WWOX: variants seen among roughly 807,000 people sequenced by gnomAD.
WWOX encodes WW domain-containing oxidoreductase.
A neutral mutation model predicts 46.2 loss-of-function variants in WWOX; 69 were observed. The ratio of observed to expected loss-of-function variants is 1.49; its 90% CI spans 1.23 to 1.82. The LOEUF is 1.82. WWOX is among the 40% of genes most tolerant of loss of function. The pLI is 0.00. For synonymous variants in WWOX, 359 were observed against 202.6 expected, an observed-to-expected ratio of 1.77 and a Z score of -6.56; for missense variants, 919 against 542.6, an observed-to-expected ratio of 1.69 and a Z score of -6.89.
intron 8 of WWOX, among the ~76,000 whole-genome samples, chr16:78,944,633 G>A (rs2045915057): frequency 6.6e-6 from 1 of 152,158 alleles, no homozygotes; most frequent in Non-Finnish European, 1.5e-5. Flanking sequence ...TGGAATGAAT[G>A]GCGGGTCACC....
At chr16:78,248,935 C>G (rs1246414966) in intron 5 of WWOX, among the ~76,000 whole-genome samples, 1 of 142,772 alleles carries the variant, frequency 7.0e-6, no homozygotes, top group Non-Finnish European at 1.5e-5. Flanking sequence ...TGGCTCACTG[C>G]AAGCTTCACC....
chr16:79,099,453 C>G (rs926199923), intron 8 of WWOX, among the ~76,000 whole-genome samples: 1 of 152,192 alleles, frequency 6.6e-6, no homozygotes, highest in African/African-American at 2.4e-5. Flanking sequence ...ACTCTGTTAA[C>G]AGAGGAGGTC....
intron 8 of WWOX, among the ~76,000 whole-genome samples, chr16:79,033,903 A>C (rs1308129766): frequency 2.6e-5 from 4 of 152,244 alleles, no homozygotes; most frequent in Non-Finnish European, 5.9e-5. Context: ...ACCATCAAAC[A>C]GGCATAGCTG....
intron 8 of WWOX, among the ~76,000 whole-genome samples, chr16:79,042,036 CCACAAAT>C (rs1340701290): frequency 6.6e-6 from 1 of 152,214 alleles, no homozygotes; most frequent in African/African-American, 2.4e-5. Flanking sequence ...TCTTTATGTT[CCACAAAT>C]TTTGGAGGGA....
chr16:78,713,972 G>T (rs1038763937), intron 8 of WWOX, among the ~76,000 whole-genome samples: 2 of 152,096 alleles, frequency 1.3e-5, no homozygotes, highest in East Asian at 3.9e-4. Context: ...AATTGGCTAC[G>T]AGGGCTTGTG....
At chr16:78,426,265 C>T (rs1256019582) in intron 7 of WWOX, among the ~76,000 whole-genome samples, 1 of 152,170 alleles carries the variant, frequency 6.6e-6, no homozygotes, top group Non-Finnish European at 1.5e-5. Context: ...ACTGTGGGGG[C>T]AGGCAGCAGA....
chr16:78,958,447 G>A (rs1342110974), intron 8 of WWOX, among the ~76,000 whole-genome samples: 2 of 152,162 alleles, frequency 1.3e-5, no homozygotes, highest in Non-Finnish European at 2.9e-5. Flanking sequence ...CACTTTCAAA[G>A]TACTCTCTAT....
intron 5 of WWOX, among the ~76,000 whole-genome samples, chr16:78,246,506 G>A (rs1442624548): frequency 6.6e-6 from 1 of 152,166 alleles, no homozygotes; most frequent in Admixed American, 6.5e-5. Flanking sequence ...GCATCTTTCA[G>A]TGCCATTTTT....
chr16:78,323,133 A>T (rs761806528), intron 5 of WWOX, among the ~76,000 whole-genome samples: 45 of 151,940 alleles, frequency 3.0e-4, no homozygotes, highest in Non-Finnish European at 5.1e-4. Flanking sequence ...TTTGAGACGG[A>T]GTCTTGCTCT....
chr16:78,849,573 C>A (rs372358923), intron 8 of WWOX, among the ~76,000 whole-genome samples: 1,036 of 97,052 alleles, frequency 0.011, no homozygotes, highest in East Asian at 0.017. Context: ...GAATCCCTCT[C>A]AAAAAAAAAA....
chr16:78,470,049 T>C (rs1038405121), intron 8 of WWOX, among the ~76,000 whole-genome samples: 1 of 152,250 alleles, frequency 6.6e-6, no homozygotes, highest in African/African-American at 2.4e-5. Context: ...CTTGTTTATG[T>C]AAGATCCATA....
chr16:78,706,877 A>T (rs1164304934), intron 8 of WWOX, among the ~76,000 whole-genome samples: 1 of 152,112 alleles, frequency 6.6e-6, no homozygotes, highest in Non-Finnish European at 1.5e-5. Context: ...GGCTGGCTGC[A>T]GCCTTGACCT....
intron 1 of WWOX, among the ~76,000 whole-genome samples, chr16:78,106,581 TA>T (rs1451982566): frequency 6.6e-6 from 1 of 151,948 alleles, no homozygotes; most frequent in Non-Finnish European, 1.5e-5. Flanking sequence ...CACGCCAGGC[TA>T]ATTTTGTATT....
At chr16:78,443,681 A>G (rs2083495988) in intron 8 of WWOX, among the ~76,000 whole-genome samples, 1 of 152,098 alleles carries the variant, frequency 6.6e-6, no homozygotes, top group African/African-American at 2.4e-5. Context: ...TTTAACCAAG[A>G]TTTGCAATTC....
chr16:78,489,751 A>G (rs2084733571), intron 8 of WWOX, among the ~76,000 whole-genome samples: 1 of 152,066 alleles, frequency 6.6e-6, no homozygotes, highest in African/African-American at 2.4e-5. Context: ...GGATGGCTCA[A>G]GGGGAGTTTG....
At chr16:78,385,815 A>G (rs2082048394) in intron 5 of WWOX, among the ~76,000 whole-genome samples, 1 of 152,188 alleles carries the variant, frequency 6.6e-6, no homozygotes, top group Non-Finnish European at 1.5e-5. Flanking sequence ...TCTTATTTGA[A>G]TAGGCAGGTG....
chr16:78,635,561 G>A (rs2046547307), intron 8 of WWOX, among the ~76,000 whole-genome samples: 1 of 152,150 alleles, frequency 6.6e-6, no homozygotes, highest in South Asian at 2.1e-4. Context: ...CATCCTCTCT[G>A]CGCCTCAGTT....
At chr16:79,033,756 C>T (rs1220808251) in intron 8 of WWOX, among the ~76,000 whole-genome samples, 1 of 152,224 alleles carries the variant, frequency 6.6e-6, no homozygotes. Context: ...ACCATTCTCC[C>T]CTACTTTGTC....
At chr16:78,728,319 C>G (rs1166883416) in intron 8 of WWOX, among the ~76,000 whole-genome samples, 1 of 152,096 alleles carries the variant, frequency 6.6e-6, no homozygotes, top group Non-Finnish European at 1.5e-5. Context: ...ATTCTCCCGC[C>G]TTGGCCTCCC....
Sources: gnomAD v4.1 joint callset for allele counts (sites outside exome capture counted in the v4.1 genomes callset) on GRCh38, gnomAD v4.1.1 for gene constraint, MANE v1.5 for transcripts, NCBI Gene and HGNC (gene_info 2026-07-23, HGNC 2026-07-21) for gene names.